Variants in GKAP1 observed in about 807,000 individuals in gnomAD.
The protein encoded by GKAP1 is G kinase-anchoring protein 1.
In GKAP1, 31 loss-of-function variants were observed where a neutral mutation model predicts 56.7. The ratio of observed to expected loss-of-function variants is 0.55; its 90% CI spans 0.41 to 0.74. The LOEUF (loss-of-function observed/expected upper bound fraction) is 0.74. GKAP1 is among the 30% of genes least tolerant of loss of function. The probability of loss-of-function intolerance (pLI) is 0.00; values close to 1 mark genes in which losing one functional copy is unlikely to be tolerated. For synonymous variants in GKAP1, 151 were observed against 138.6 expected (o/e 1.09, Z -0.63); for missense variants, 364 against 402.3 (o/e 0.90, Z 0.82).
At chr9:83,753,817 G>C (rs1478499592) in intron 8 of GKAP1, among the ~76,000 whole-genome samples, 1 of 152,020 alleles carries the variant, frequency 6.6e-6, no homozygotes, top group Non-Finnish European at 1.5e-5. Context: ...AAGCTAACCA[G>C]AACAATAAAA....
intron 12 of GKAP1, among the ~76,000 whole-genome samples, chr9:83,741,358 TCTCACACACACACACACA>T (rs1564185333): frequency 6.8e-6 from 1 of 147,592 alleles, no homozygotes; most frequent in Non-Finnish European, 1.5e-5. Flanking sequence ...TAAATATATC[TCTCACACACACACACACA>T]CACACACACA....
intron 4 of GKAP1, among the ~76,000 whole-genome samples, chr9:83,796,574 T>G (rs951817642): frequency 4.6e-5 from 7 of 152,104 alleles, no homozygotes; most frequent in Admixed American, 3.9e-4. Flanking sequence ...CTCAAGATAT[T>G]CTCCTGCCTC....
chr9:83,780,037 G>C (rs1943944302), intron 7 of GKAP1, among the ~76,000 whole-genome samples: 1 of 151,972 alleles, frequency 6.6e-6, no homozygotes, highest in Non-Finnish European at 1.5e-5. Flanking sequence ...CTCAGGATAA[G>C]TTTTTAATAA....
intron 4 of GKAP1, among the ~76,000 whole-genome samples, chr9:83,795,936 T>A (rs1411224401): frequency 6.6e-6 from 1 of 152,160 alleles, no homozygotes; most frequent in African/African-American, 2.4e-5. Context: ...GTTCTGGTGA[T>A]TAAAGTAGCC....
intron 5 of GKAP1, among the ~76,000 whole-genome samples, chr9:83,786,281 G>A (rs1218545627): frequency 6.6e-6 from 1 of 152,186 alleles, no homozygotes; most frequent in Non-Finnish European, 1.5e-5. Context: ...GGTGGCTCAC[G>A]CCTGTAATCC....
At chr9:83,811,969 G>A (rs575859725) in intron 2 of GKAP1, among the ~76,000 whole-genome samples, 23 of 151,606 alleles carry the variant, frequency 1.5e-4, no homozygotes, top group African/African-American at 3.4e-4. Flanking sequence ...AAGGTACAAC[G>A]ACCAGTACTT....
At chr9:83,809,549 C>A (rs295283) in intron 2 of GKAP1, among the ~76,000 whole-genome samples, 66,350 of 152,114 alleles carry the variant, frequency 0.44, 15,084 homozygotes, top group African/African-American at 0.55. Context: ...GCAAGGCACA[C>A]AGTAGAATAA....
intron 5 of GKAP1, among the ~76,000 whole-genome samples, chr9:83,786,748 T>C (rs1024015411): frequency 6.6e-6 from 1 of 152,198 alleles, no homozygotes; most frequent in Non-Finnish European, 1.5e-5. Context: ...CTTCTCTTAG[T>C]CATTATTGTC....
intron 4 of GKAP1, among the ~76,000 whole-genome samples, chr9:83,798,291 A>G (rs1944278925): frequency 6.6e-6 from 1 of 152,198 alleles, no homozygotes; most frequent in Non-Finnish European, 1.5e-5. Context: ...CTTACTATAC[A>G]TATAGCATCT....
intron 3 of GKAP1, among the ~76,000 whole-genome samples, chr9:83,802,868 A>G (rs1487526246): frequency 6.6e-6 from 1 of 152,066 alleles, no homozygotes; most frequent in Non-Finnish European, 1.5e-5. Flanking sequence ...ATGGTGGCTC[A>G]CACCTATAAT....
chr9:83,804,700 C>A (rs1944405732), intron 3 of GKAP1, among the ~76,000 whole-genome samples: 1 of 149,336 alleles, frequency 6.7e-6, no homozygotes, highest in Admixed American at 6.6e-5. Context: ...GCCCGGCCAG[C>A]CGCCCCGTAC....
chr9:83,751,487 C>T (rs1385918104), intron 9 of GKAP1, among the ~76,000 whole-genome samples: 1 of 151,726 alleles, frequency 6.6e-6, no homozygotes, highest in Non-Finnish European at 1.5e-5. Flanking sequence ...CAAAAAAAAG[C>T]GAAGAGAAAT....
chr9:83,772,377 T>A (rs992668355), intron 7 of GKAP1, among the ~76,000 whole-genome samples: 1 of 152,106 alleles, frequency 6.6e-6, no homozygotes, highest in Non-Finnish European at 1.5e-5. Flanking sequence ...GGGAGAAGTG[T>A]CTATGCATAT....
chr9:83,746,990 A>C (rs894537571), intron 10 of GKAP1, among the ~76,000 whole-genome samples: 1 of 152,198 alleles, frequency 6.6e-6, no homozygotes, highest in African/African-American at 2.4e-5. Flanking sequence ...CAATTTCTTA[A>C]GAGCTATACA....
At chr9:83,782,870 T>A (rs772876567) in intron 6 of GKAP1, among the ~76,000 whole-genome samples, 12 of 152,066 alleles carry the variant, frequency 7.9e-5, no homozygotes, top group Non-Finnish European at 1.3e-4. Context: ...GGTTTCACCA[T>A]GTTGGCCAGG....
chr9:83,774,059 G>A (rs1169284183), intron 7 of GKAP1, among the ~76,000 whole-genome samples: 4 of 151,780 alleles, frequency 2.6e-5, no homozygotes, highest in Non-Finnish European at 5.9e-5. Context: ...TAGTAGAGAC[G>A]GGGTTTCACC....
At position 83,739,569 on chromosome 9, in the gene GKAP1, G is replaced by A. The variant is rs1564184475; in HGVS notation, c.*128C>T. The A allele has an allele frequency of 3.6e-6, 2 of 556,022 alleles. No homozygotes were observed. The highest frequency in any genetic ancestry group is 6.3e-6 in the Non-Finnish European group (2 of 315,870). The allele number at this position is 556,022 out of a possible 1,614,324, so 34.4% of individuals were successfully genotyped here. ...AAGAAATAAAATTATAGACCATTAG[G>A]GAGCTAGTTGCTTTTAGTTCCTTCA... On this transcript the variant is annotated 3_prime_UTR_variant, in exon 13 of 13. Coordinates refer to ENST00000376371, the MANE Select transcript of GKAP1 (RefSeq NM_025211.4).
At chr9:83,751,303 T>C (rs934240976) in intron 9 of GKAP1, among the ~76,000 whole-genome samples, 1 of 152,206 alleles carries the variant, frequency 6.6e-6, no homozygotes, top group African/African-American at 2.4e-5. Context: ...AAAAATCATC[T>C]TTTCTATGAG....
chr9:83,799,431 T>C, intron 3 of GKAP1, 103 bp from the exon 4 acceptor site: 1 of 777,246 alleles, frequency 1.3e-6, no homozygotes, highest in Non-Finnish European at 2.0e-6. Context: ...ATACTTCTAC[T>C]GAAACCACTC....
Sources: gnomAD v4.1 joint callset for allele counts (sites outside exome capture counted in the v4.1 genomes callset) on GRCh38, gnomAD v4.1.1 for gene constraint, MANE v1.5 for transcripts, NCBI Gene and HGNC (gene_info 2026-07-23, HGNC 2026-07-21) for gene names.